DEPDC1B: variants seen among roughly 807,000 people sequenced by gnomAD.
DEPDC1B encodes the protein DEP domain-containing protein 1B.
Under a neutral mutation model 66.5 loss-of-function variants are expected in DEPDC1B, and 51 were observed. The ratio of observed to expected loss-of-function variants is 0.77; its 90% confidence interval spans 0.61 to 0.97. The LOEUF (loss-of-function observed/expected upper bound fraction) is 0.97, where lower values mean the gene tolerates loss of function less well. Ranked by LOEUF, DEPDC1B falls within the 50% of genes least tolerant of loss-of-function variation. The pLI, the probability that DEPDC1B is intolerant of heterozygous loss-of-function variation, is 0.00. For missense variants in DEPDC1B, 552 were observed against 637.1 expected, an observed-to-expected ratio of 0.87 and a Z score of 1.44; for synonymous variants, 226 against 223.6, an observed-to-expected ratio of 1.01 and a Z score of -0.10.
intron 2 of DEPDC1B, among the ~76,000 whole-genome samples, chr5:60,676,596 T>C (rs997066117): frequency 6.6e-6 from 1 of 152,164 alleles, no homozygotes; most frequent in Non-Finnish European, 1.5e-5. Context: ...TCCTCCTCCC[T>C]TTTCTCCCAG....
chr5:60,639,271 T>G (rs1484258771), intron 6 of DEPDC1B, among the ~76,000 whole-genome samples: 2 of 152,196 alleles, frequency 1.3e-5, no homozygotes, highest in African/African-American at 4.8e-5. Context: ...CTTAATAAAG[T>G]TGACCGAGAT....
chr5:60,603,327 C>A, intron 9 of DEPDC1B, 64 bp downstream of exon 9: 1 of 1,407,930 alleles, frequency 7.1e-7, no homozygotes, highest in Non-Finnish European at 9.3e-7. Flanking sequence ...CCCCAAGAAG[C>A]CTAGCAAGCT....
chr5:60,645,411 A>G (rs573309569), intron 4 of DEPDC1B, 81 bp downstream of exon 4: 1 of 1,330,706 alleles, frequency 7.5e-7, no homozygotes, highest in Non-Finnish European at 1.0e-6. Context: ...ATTTCAGAAA[A>G]TTAAATATGC....
At chr5:60,622,911 T>C (rs1752737473) in intron 7 of DEPDC1B, among the ~76,000 whole-genome samples, 1 of 152,180 alleles carries the variant, frequency 6.6e-6, no homozygotes, top group African/African-American at 2.4e-5. Context: ...GTTATAAGTA[T>C]TTTGTGAGCT....
rs888608324 is a variant in DEPDC1B at position 60,638,787 on chromosome 5, A to T, written c.861T>A (p.Leu287=). 5 of 1,611,588 alleles carry T rather than the reference A, an allele frequency of 3.1e-6. No individual in the cohort carries two copies. The African/African-American group carries it at 6.7e-5, about 22-fold the overall frequency. ...CAAAAGCATCAAAAAGATGAAATGT[A>T]AGTAGAGGCTCTTTCAAGTGACCAT... is the stretch of plus-strand genomic sequence containing the variant. ...DYYGHLKEPL[L]TFHLFDAFVS... Residue 287 remains leucine (L), a synonymous_variant, in exon 7 of 11, where the codon CTT becomes CTA. Transcript: ENST00000265036.
chr5:60,598,286 A>T (rs1752135711), intron 10 of DEPDC1B, among the ~76,000 whole-genome samples: 1 of 152,216 alleles, frequency 6.6e-6, no homozygotes, highest in Non-Finnish European at 1.5e-5. Context: ...GCTTCTGCTC[A>T]AATGGAAGAG....
intron 7 of DEPDC1B, among the ~76,000 whole-genome samples, chr5:60,618,326 TC>T (rs1459529788): frequency 6.6e-6 from 1 of 151,614 alleles, no homozygotes; most frequent in African/African-American, 2.4e-5. Flanking sequence ...AAAAAACCCT[TC>T]AAAAAATCAA....
chr5:60,693,181 T>C (rs905177729), intron 1 of DEPDC1B, among the ~76,000 whole-genome samples: 4 of 152,078 alleles, frequency 2.6e-5, no homozygotes, highest in Non-Finnish European at 4.4e-5. Context: ...CAAAAACACA[T>C]ACATACACAT....
rs36109910 is a variant in DEPDC1B at position 60,613,788 on chromosome 5, TTGTGTGTGTG to T, written c.899-7942_899-7933del. On this transcript the variant is annotated intron_variant, in intron 7 of 10. Transcript: ENST00000265036. ...TGAAAAAAGGTTGTTACATATGTAT[TTGTGTGTGTG>T]TGTGTGTGTGTGTGTGTGTGTGTGT... Among the ~76,000 whole-genome samples the T allele has an allele frequency of 9.4e-3, 975 of 103,366 alleles. 2 individuals carry two copies. Among genetic ancestry groups the T allele is most frequent in the Non-Finnish European group, 0.016 (791 of 50,184 alleles). The allele number at this position is 103,366 out of a possible 152,430, so 67.8% of individuals were successfully genotyped here. A position where few individuals can be genotyped will look rare whatever the true frequency, so the allele number is the denominator to read the frequency against.
intron 2 of DEPDC1B, among the ~76,000 whole-genome samples, chr5:60,651,203 C>T (rs1449227227): frequency 1.3e-5 from 2 of 152,080 alleles, no homozygotes; most frequent in Admixed American, 6.6e-5. Flanking sequence ...CCTAAGCAAC[C>T]TTCCAAAATT....
intron 7 of DEPDC1B, among the ~76,000 whole-genome samples, chr5:60,638,398 T>C (rs1753109043): frequency 6.6e-6 from 1 of 152,202 alleles, no homozygotes; most frequent in Admixed American, 6.5e-5. Context: ...TGACTATTCA[T>C]GAAGTCATAG....
intron 1 of DEPDC1B, chr5:60,689,023 G>C (rs1478509065): frequency 2.2e-6 from 1 of 456,030 alleles, no homozygotes; most frequent in Non-Finnish European, 4.4e-6. Context: ...AGAAACACTG[G>C]ACCACTTCAG....
At chr5:60,695,887 C>T (rs1468705643) in intron 1 of DEPDC1B, among the ~76,000 whole-genome samples, 3 of 152,154 alleles carry the variant, frequency 2.0e-5, no homozygotes, top group Non-Finnish European at 2.9e-5. Context: ...CAACCTCCGA[C>T]GCCCTGGTTC....
At chr5:60,631,249 T>C (rs1186810780) in intron 7 of DEPDC1B, among the ~76,000 whole-genome samples, 9 of 152,294 alleles carry the variant, frequency 5.9e-5, no homozygotes, top group African/African-American at 1.2e-4. Context: ...TTACTGGGCA[T>C]TGGAAAAGGT....
intron 7 of DEPDC1B, among the ~76,000 whole-genome samples, chr5:60,607,932 C>T (rs763418790): frequency 3.9e-5 from 6 of 152,088 alleles, no homozygotes; most frequent in Non-Finnish European, 7.4e-5. Flanking sequence ...GAGAGGCAGC[C>T]AAGGGGGCAG....
At chr5:60,643,628 A>C (rs1200319059) in intron 5 of DEPDC1B, among the ~76,000 whole-genome samples, 1 of 152,264 alleles carries the variant, frequency 6.6e-6, no homozygotes. Context: ...TAATAAAATG[A>C]AAGATGATTG....
intron 7 of DEPDC1B, among the ~76,000 whole-genome samples, chr5:60,633,194 T>C (rs1752964190): frequency 6.6e-6 from 1 of 152,210 alleles, no homozygotes; most frequent in South Asian, 2.1e-4. Context: ...TCTGCTTCTC[T>C]CTAGAGCCTG....
intron 2 of DEPDC1B, among the ~76,000 whole-genome samples, chr5:60,658,380 A>G (rs1400415332): frequency 6.6e-6 from 1 of 152,134 alleles, no homozygotes; most frequent in Non-Finnish European, 1.5e-5. Context: ...TTGTTTTGTT[A>G]TATTACCAGA....
At chr5:60,695,888 G>A (rs11750609) in intron 1 of DEPDC1B, among the ~76,000 whole-genome samples, 1 of 151,782 alleles carries the variant, frequency 6.6e-6, no homozygotes, top group African/African-American at 2.4e-5. Flanking sequence ...AACCTCCGAC[G>A]CCCTGGTTCA....
Sources: allele counts gnomAD v4.1 joint callset (sites outside exome capture counted in the v4.1 genomes callset), GRCh38; gene constraint gnomAD v4.1.1; transcripts MANE v1.5; gene names NCBI Gene and HGNC (gene_info 2026-07-23, HGNC 2026-07-21).